Variants in HECA observed in about 807,000 individuals in gnomAD.
HECA encodes HECA ribonucleoprotein granule regulator, also known as headcase protein homolog.
HECA carries 13 observed loss-of-function variants against 37.6 expected under a neutral mutation model. That is an observed-to-expected ratio of 0.35 (90% CI 0.23 to 0.55). The LOEUF is 0.55. HECA is among the 20% of genes least tolerant of loss of function. The probability of loss-of-function intolerance (pLI) is 0.90; values close to 1 mark genes in which losing one functional copy is unlikely to be tolerated. For missense variants in HECA, 527 were observed against 701.9 expected, an observed-to-expected ratio of 0.75 and a Z score of 2.82; for synonymous variants, 307 against 291.5, an observed-to-expected ratio of 1.05 and a Z score of -0.54.
chr6:139,135,771 CAGGA>C (rs1490331888), intron 1 of HECA, 104 bp downstream of exon 1: 1 of 396,470 alleles, frequency 2.5e-6, no homozygotes, highest in Non-Finnish European at 3.4e-6. Context: ...ATGCGAGAGT[CAGGA>C]AGTGCTCACC....
intron 3 of HECA, among the ~76,000 whole-genome samples, chr6:139,175,796 G>A (rs1458211816): frequency 6.6e-6 from 1 of 152,158 alleles, no homozygotes; most frequent in Non-Finnish European, 1.5e-5. Context: ...ATGTCTTTAG[G>A]AGGAAAAACA....
chr6:139,158,445 G>A (rs1450946251), intron 1 of HECA, among the ~76,000 whole-genome samples: 6 of 150,804 alleles, frequency 4.0e-5, no homozygotes, highest in Non-Finnish European at 7.4e-5. Flanking sequence ...GGAGCTTGCA[G>A]TGAGCAGAGA....
chr6:139,151,964 C>G (rs1407586856), intron 1 of HECA, among the ~76,000 whole-genome samples: 1 of 152,130 alleles, frequency 6.6e-6, no homozygotes, highest in Non-Finnish European at 1.5e-5. Context: ...GGGCACATCA[C>G]CAAAGGAGCC....
chr6:139,167,935 G>T (rs1400844445), intron 2 of HECA, among the ~76,000 whole-genome samples: 1 of 152,106 alleles, frequency 6.6e-6, no homozygotes, highest in Non-Finnish European at 1.5e-5. Context: ...ATGACACGAG[G>T]TTGGTTAGTA....
chr6:139,151,540 T>G (rs1328936574), intron 1 of HECA, among the ~76,000 whole-genome samples: 1 of 152,206 alleles, frequency 6.6e-6, no homozygotes, highest in Non-Finnish European at 1.5e-5. Flanking sequence ...TTTCTTTACA[T>G]TCTTTCAAAG....
chr6:139,149,031 G>A (rs1774617525), intron 1 of HECA, among the ~76,000 whole-genome samples: 1 of 152,092 alleles, frequency 6.6e-6, no homozygotes, highest in Non-Finnish European at 1.5e-5. Context: ...TTGCCCATAA[G>A]TTGCTTATGA....
rs1345361774 is a variant in HECA at position 139,137,673 on chromosome 6, A to T, written c.271+2006A>T. Among the ~76,000 whole-genome samples, 4 of 121,682 alleles carry T rather than the reference A, an allele frequency of 3.3e-5. No homozygotes were observed. In the Admixed American group the frequency reaches 3.8e-4, roughly 11 times the overall value. 79.8% of individuals were successfully genotyped at this position (121,682 alleles called of 152,430 possible). ...TGGCCTATGTGGAAGCTTCAAGTTC[A>T]CAGTTTCCTTTTTTTTCTTGCTCCA... On this transcript the variant is annotated intron_variant, in intron 1 of 3. Coordinates refer to ENST00000367658, the MANE Select transcript of HECA (RefSeq NM_016217.3).
Position 139,166,459 on chromosome 6 carries a change from CCG to C in HECA, c.455_456del (p.Arg152GlnfsTer65). 1.2e-6 allele frequency: 2 copies of C among 1,614,212 alleles called. No individual in the cohort carries two copies. Among genetic ancestry groups the C allele is most frequent in the Non-Finnish European group, 1.7e-6 (2 of 1,180,024 alleles). ...SILVQFNCIG[R>X]ARSWNEKQCR... ...TCCTCGTCCAGTTCAACTGCATCGG[CCG>C]CGCGCGCAGCTGGAACGAGAAGCAA... On this transcript the variant is annotated frameshift_variant, in exon 2 of 4. Coordinates refer to ENST00000367658, the MANE Select transcript of HECA (RefSeq NM_016217.3). LOFTEE classifies it high-confidence loss of function.
chr6:139,172,116 C>T (rs559441126), intron 2 of HECA, among the ~76,000 whole-genome samples: 5 of 152,262 alleles, frequency 3.3e-5, no homozygotes, highest in African/African-American at 9.6e-5. Flanking sequence ...TAGGCGTGAG[C>T]CACTGCGCCC....
At chr6:139,155,103 A>T (rs1401553548) in intron 1 of HECA, among the ~76,000 whole-genome samples, 1 of 152,240 alleles carries the variant, frequency 6.6e-6, no homozygotes, top group Non-Finnish European at 1.5e-5. Flanking sequence ...ACTTATACAA[A>T]GTATAGCCTA....
chr6:139,137,296 A>C (rs1005739446), intron 1 of HECA, among the ~76,000 whole-genome samples: 2 of 151,860 alleles, frequency 1.3e-5, no homozygotes, highest in African/African-American at 4.8e-5. Flanking sequence ...CCAGAGCCTC[A>C]ATTTCCTCAT....
At chr6:139,152,063 T>C (rs1774657902) in intron 1 of HECA, among the ~76,000 whole-genome samples, 1 of 152,196 alleles carries the variant, frequency 6.6e-6, no homozygotes, top group South Asian at 2.1e-4. Context: ...TTAAGAAACA[T>C]TTAGGATAAA....
At chr6:139,165,739 C>T (rs1404346413) in intron 1 of HECA, among the ~76,000 whole-genome samples, 6 of 152,138 alleles carry the variant, frequency 3.9e-5, no homozygotes, top group South Asian at 2.1e-4. Flanking sequence ...ATTGGGTTAG[C>T]GGATTCTACT....
chr6:139,165,438 G>A (rs1428550825), intron 1 of HECA, among the ~76,000 whole-genome samples: 4 of 151,954 alleles, frequency 2.6e-5, no homozygotes, highest in African/African-American at 9.7e-5. Flanking sequence ...TTGACATTAG[G>A]GTTCCCTTTT....
intron 1 of HECA, among the ~76,000 whole-genome samples, chr6:139,140,134 G>A (rs956715918): frequency 6.6e-6 from 1 of 151,954 alleles, no homozygotes; most frequent in South Asian, 2.1e-4. Context: ...TTATAACCGA[G>A]GTTTGTAGTA....
Position 139,163,907 on chromosome 6 carries a change from C to CTCCA in HECA, c.272-2376_272-2373dup, listed in dbSNP as rs1292114334. 9.8e-4 allele frequency among the ~76,000 whole-genome samples: 149 copies of CTCCA among 152,088 alleles called. 3 individuals carry two copies. The highest frequency in any genetic ancestry group is 9.8e-3 in the Admixed American group (149 of 15,262). On this transcript the variant is annotated intron_variant, in intron 1 of 3. Transcript: ENST00000367658. ...TATTCACAGCTCTAGCTCTCTTGAGCTCCAGTCAAATTCATGTCTCCTCCA... is the reference window on the plus strand; with the variant it reads ...TATTCACAGCTCTAGCTCTCTTGAGCTCCATCCAGTCAAATTCATGTCTCCTCCA...
At chr6:139,171,424 C>T (rs1038174010) in intron 2 of HECA, among the ~76,000 whole-genome samples, 1 of 152,244 alleles carries the variant, frequency 6.6e-6, no homozygotes, top group Admixed American at 6.5e-5. Flanking sequence ...AGAAGTTGAA[C>T]GTTTGATGTA....
intron 1 of HECA, among the ~76,000 whole-genome samples, chr6:139,141,155 A>G (rs1343164795): frequency 6.6e-6 from 1 of 152,222 alleles, no homozygotes; most frequent in Non-Finnish European, 1.5e-5. Flanking sequence ...TTTTACCAGT[A>G]ATGAAATAAG....
chr6:139,180,630 T>TAAAG lies in HECA; in HGVS notation c.*3527_*3530dup, dbSNP rs1562252595. ...CAGCTCAAAAATAAATTCTTGTCAG[T>TAAAG]AAAGATTTCTTGTCAAGATGTCTTG... On this transcript the variant is annotated 3_prime_UTR_variant, in exon 4 of 4. Transcript: ENST00000367658. The TAAAG allele has an allele frequency of 1.3e-5, 2 of 152,636 alleles. No homozygotes were observed. Among genetic ancestry groups the TAAAG allele is most frequent in the Admixed American group, 6.5e-5 (1 of 15,284 alleles). The allele number at this position is 152,636 out of a possible 1,614,324, so 9.5% of individuals were successfully genotyped here. A position where few individuals can be genotyped will look rare whatever the true frequency, so the allele number is the denominator to read the frequency against.
Sources: gnomAD v4.1 joint callset for allele counts (sites outside exome capture counted in the v4.1 genomes callset) on GRCh38, gnomAD v4.1.1 for gene constraint, MANE v1.5 for transcripts, NCBI Gene and HGNC (gene_info 2026-07-23, HGNC 2026-07-21) for gene names.